FBXO32: variants seen among roughly 807,000 people sequenced by gnomAD.
FBXO32 encodes F-box only protein 32.
In FBXO32, 15 loss-of-function variants were observed where a neutral mutation model predicts 48.3. The observed-to-expected ratio is 0.31, with a 90% CI of 0.21 to 0.48. The LOEUF is 0.48. FBXO32 is among the 20% of genes least tolerant of loss of function. The pLI is 0.99. For synonymous variants in FBXO32, 154 were observed against 165.9 expected, an observed-to-expected ratio of 0.93 and a Z score of 0.55; for missense variants, 309 against 432.7, an observed-to-expected ratio of 0.71 and a Z score of 2.54.
At position 123,524,709 on chromosome 8, in the gene FBXO32, G is replaced by A. The variant is rs192750095; in HGVS notation, c.372+7189C>T. ...ATTTTTGTATTTTTAGTAGAGACGG[G>A]GTTTCACCATCTTGACCAGGCTGTT... On this transcript the variant is annotated intron_variant, in intron 4 of 8. Transcript: ENST00000517956. 3.6e-3 allele frequency among the ~76,000 whole-genome samples: 544 copies of A among 152,206 alleles called. 1 individual carries two copies. Among genetic ancestry groups the A allele is most frequent in the Non-Finnish European group, 6.0e-3 (410 of 68,012 alleles).
chr8:123,518,582 T>C, intron 4 of FBXO32, among the ~76,000 whole-genome samples: 1 of 152,238 alleles, frequency 6.6e-6, no homozygotes, highest in East Asian at 1.9e-4. Context: ...TTTTCTACCA[T>C]GGAGTCTTAT....
At chr8:123,509,433 C>T (rs1455115066) in intron 6 of FBXO32, among the ~76,000 whole-genome samples, 1 of 152,132 alleles carries the variant, frequency 6.6e-6, no homozygotes, top group African/African-American at 2.4e-5. Context: ...GGCTCAGTGG[C>T]TCATGCCTGT....
At chr8:123,533,513 A>G (rs1324498138) in intron 2 of FBXO32, among the ~76,000 whole-genome samples, 5 of 152,214 alleles carry the variant, frequency 3.3e-5, no homozygotes, top group African/African-American at 7.2e-5. Flanking sequence ...GCATTATGCC[A>G]TAAGAAATTA....
intron 6 of FBXO32, among the ~76,000 whole-genome samples, chr8:123,511,480 G>GT (rs755817254): frequency 2.8e-3 from 397 of 139,780 alleles, no homozygotes; most frequent in Non-Finnish European, 2.6e-3. Context: ...GAGGTTTTTT[G>GT]TTTTTTTTTT....
At chr8:123,533,081 C>T in intron 3 of FBXO32, 110 bp downstream of exon 3, 1 of 769,734 alleles carries the variant, frequency 1.3e-6, no homozygotes, top group Non-Finnish European at 2.2e-6. Context: ...CTCCCACATC[C>T]AAGAAGACTC....
rs1436616348 is a variant in FBXO32 at position 123,499,061 on chromosome 8, G to C, written c.*4312C>G. ...AAAGGTGCTTGGGGTGGAGGGCTGG[G>C]GGCATAGAAGGTCAGGCCTCAGGAG... On this transcript the variant is annotated 3_prime_UTR_variant, in exon 9 of 9. Coordinates refer to ENST00000517956, the MANE Select transcript of FBXO32 (RefSeq NM_058229.4). 1.3e-5 allele frequency: 2 copies of C among 152,250 alleles called. No homozygotes were observed. The highest frequency in any genetic ancestry group is 2.9e-5 in the Non-Finnish European group (2 of 68,062). 9.4% of individuals were successfully genotyped at this position (152,250 alleles called of 1,614,324 possible). A position where few individuals can be genotyped will look rare whatever the true frequency, so the allele number is the denominator to read the frequency against.
intron 1 of FBXO32, among the ~76,000 whole-genome samples, chr8:123,538,146 C>CA: frequency 6.6e-6 from 1 of 152,122 alleles, no homozygotes; most frequent in East Asian, 1.9e-4. Context: ...CCCATGATCT[C>CA]ACTCCTGGAC....
chr8:123,540,924 C>G lies in FBXO32; in HGVS notation c.91G>C (p.Gly31Arg), dbSNP rs547984104. 6.2e-7 allele frequency: 1 copy of G among 1,613,450 alleles called. No homozygotes were observed. The highest frequency in any genetic ancestry group is 8.5e-7 in the Non-Finnish European group (1 of 1,179,748). The change falls in exon 1 of 9, where the codon GGC (glycine) becomes CGC (arginine). Residue 31 changes from glycine (G) to arginine (R), a missense_variant. Transcript: ENST00000517956. This position sits in a 1 kb window ranked among gnomAD's most constrained non-coding sequence, Gnocchi z 6.4. ...CTGCTGAGGTCGCTCACGAAACTGC[C>G]GCTCTTCTCATCCAGGAAGCGCTTC... ...GWKRFLDEKS[G>R]SFVSDLSSYC...
chr8:123,535,472 T>C (rs963309798), intron 1 of FBXO32, among the ~76,000 whole-genome samples: 20 of 152,234 alleles, frequency 1.3e-4, no homozygotes, highest in African/African-American at 4.3e-4. Context: ...CTAGGCATCA[T>C]GCTGTGAGGT....
chr8:123,506,351 G>T lies in FBXO32; in HGVS notation c.834+41C>A. The T allele has an allele frequency of 6.2e-7, 1 of 1,604,612 alleles. No homozygotes were observed. Among genetic ancestry groups the T allele is most frequent in the South Asian group, 1.1e-5 (1 of 89,726 alleles). Reference sequence around the variant, plus strand: ...CCAAGGAAGTTTGGGGTGAGGGCCAGAGAAGGAGGGTGGGAGGAAAGCCCA... The same window carrying T: ...CCAAGGAAGTTTGGGGTGAGGGCCATAGAAGGAGGGTGGGAGGAAAGCCCA... On this transcript the variant is annotated intron_variant, in intron 7 of 8. Coordinates refer to ENST00000517956, the MANE Select transcript of FBXO32 (RefSeq NM_058229.4). This position sits in a 1 kb window ranked among gnomAD's most constrained non-coding sequence, Gnocchi z 4.0.
chr8:123,525,251 A>G lies in FBXO32; in HGVS notation c.372+6647T>C, dbSNP rs1028690982. 6.6e-6 allele frequency among the ~76,000 whole-genome samples: 1 copy of G among 152,224 alleles called. No individual in the cohort carries two copies. Among genetic ancestry groups the G allele is most frequent in the Non-Finnish European group, 1.5e-5 (1 of 68,048 alleles). On this transcript the variant is annotated intron_variant, in intron 4 of 8. Transcript: ENST00000517956. The surrounding 1 kb of genome is among the most constrained non-coding windows in gnomAD (Gnocchi z 4.3). ...ACTTAGGGTGGTAACGCAGAAAAAA[A>G]TAAGAATGTGCATCAGTTTAGGTTG...
In FBXO32 at chr8:123,540,069, C is replaced by A. The variant is rs1226828023; in HGVS notation, c.116+830G>T. On this transcript the variant is annotated intron_variant, in intron 1 of 8. Transcript: ENST00000517956. This position sits in a 1 kb window ranked among gnomAD's most constrained non-coding sequence, Gnocchi z 6.4. ...AGCGGACCTCAGGTTTCCCGCCAGACCACAGAGCTCAGGTGAGGCCTCGAA... is the reference window on the plus strand; with the variant it reads ...AGCGGACCTCAGGTTTCCCGCCAGAACACAGAGCTCAGGTGAGGCCTCGAA... Among the ~76,000 whole-genome samples the A allele has an allele frequency of 6.6e-6, 1 of 152,234 alleles. No individual in the cohort carries two copies. Among genetic ancestry groups the A allele is most frequent in the African/African-American group, 2.4e-5 (1 of 41,464 alleles).
chr8:123,539,305 G>A (rs957899531), intron 1 of FBXO32, among the ~76,000 whole-genome samples: 1 of 152,142 alleles, frequency 6.6e-6, no homozygotes, highest in African/African-American at 2.4e-5. Flanking sequence ...CAGAAATAAA[G>A]TACCAACATA....
At chr8:123,517,805 T>C (rs114442013) in intron 4 of FBXO32, among the ~76,000 whole-genome samples, 1,692 of 152,282 alleles carry the variant, frequency 0.011, 32 homozygotes, top group African/African-American at 0.039. Context: ...GTAAGATAAA[T>C]ATGTACAAAT....
chr8:123,503,827 C>A (rs1161926225), intron 8 of FBXO32, among the ~76,000 whole-genome samples: 1 of 152,126 alleles, frequency 6.6e-6, no homozygotes, highest in East Asian at 1.9e-4. Flanking sequence ...CCTGTAATCC[C>A]AGCACTTTGG....
Position 123,504,729 on chromosome 8 carries a change from G to A in FBXO32, c.853C>T (p.Leu285=). 5 of 1,613,232 alleles carry A rather than the reference G, an allele frequency of 3.1e-6. No homozygotes were observed. The highest frequency in any genetic ancestry group is 4.2e-6 in the Non-Finnish European group (5 of 1,179,792). Reference sequence around the variant, plus strand: ...CAATCCAGCTGCCCTTTGTCTGACAGAATTAATCGTTTGCGGATCTAAAAA... The same window carrying A: ...CAATCCAGCTGCCCTTTGTCTGACAAAATTAATCGTTTGCGGATCTAAAAA... ...SERQIRKRLI[L]SDKGQLDWKK... The change falls in exon 8 of 9, where the codon CTG becomes TTG. Residue 285 remains leucine, a synonymous_variant. Transcript: ENST00000517956.
chr8:123,528,003 A>G (rs191301187), intron 4 of FBXO32, among the ~76,000 whole-genome samples: 257 of 152,346 alleles, frequency 1.7e-3, no homozygotes, highest in African/African-American at 6.0e-3. Context: ...AAAAATTCTC[A>G]TTAATATGCA....
rs1816454694 is a variant in FBXO32 at position 123,500,283 on chromosome 8, T to G, written c.*3090A>C. 1 of 152,214 alleles carries G rather than the reference T, an allele frequency of 6.6e-6. No individual in the cohort carries two copies. The highest frequency in any genetic ancestry group is 2.4e-5 in the African/African-American group (1 of 41,456). The allele number at this position is 152,214 out of a possible 1,614,324, so 9.4% of individuals were successfully genotyped here. A position where few individuals can be genotyped will look rare whatever the true frequency, so the allele number is the denominator to read the frequency against. ...GAGTTGGACCAAATCTTAACATCCCTGTGGATTTGCTCATACTGCCCTGGG... is the reference window on the plus strand; with the variant it reads ...GAGTTGGACCAAATCTTAACATCCCGGTGGATTTGCTCATACTGCCCTGGG... On this transcript the variant is annotated 3_prime_UTR_variant, in exon 9 of 9. Transcript: ENST00000517956.
At position 123,534,811 on chromosome 8, in the gene FBXO32, G is replaced by GT; in HGVS notation, c.119dup (p.Tyr40Ter). 1 of 1,598,660 alleles carries GT rather than the reference G, an allele frequency of 6.3e-7. No homozygotes were observed. Among genetic ancestry groups the GT allele is most frequent in the Non-Finnish European group, 8.6e-7 (1 of 1,166,898 alleles). ...CCTTATTGTATACCTCCTTGTTGCA[G>GT]TAACTATGAATAACAGAAGACAAAG... ...SGSFVSDLSSYCNKEVYNKEN... is the reference protein window; with the variant it reads ...SGSFVSDLSS Residue 40 changes from tyrosine to a stop codon, truncating the protein, a stop_gained and frameshift_variant, in exon 2 of 9, where the codon TAC becomes TAAC. Coordinates refer to ENST00000517956, the MANE Select transcript of FBXO32 (RefSeq NM_058229.4). LOFTEE classifies it high-confidence loss of function.
Sources: gnomAD v4.1 joint callset for allele counts (sites outside exome capture counted in the v4.1 genomes callset) on GRCh38, gnomAD v4.1.1 for gene constraint, Gnocchi (gnomAD v3.1) non-coding constraint, MANE v1.5 for transcripts, NCBI Gene and HGNC (gene_info 2026-07-23, HGNC 2026-07-21) for gene names.